IQCB1: variants seen among roughly 807,000 people sequenced by gnomAD.
IQCB1 encodes the protein IQ motif containing B1.
A neutral mutation model predicts 84.4 loss-of-function variants in IQCB1; 56 were observed. The ratio of observed to expected loss-of-function variants is 0.66; its 90% CI spans 0.54 to 0.83. IQCB1 has a LOEUF of 0.83. Among genes scored for constraint, IQCB1 ranks in the 40% least tolerant of loss-of-function variants. The pLI is 0.00. For missense variants in IQCB1, 629 were observed against 682.1 expected, an observed-to-expected ratio of 0.92 and a Z score of 0.87; for synonymous variants, 210 against 234.8, an observed-to-expected ratio of 0.89 and a Z score of 0.96.
chr3:121,828,344 G>T, intron 4 of IQCB1, 126 bp downstream of exon 4: 1 of 796,802 alleles, frequency 1.3e-6, no homozygotes, highest in Non-Finnish European at 2.2e-6. Context: ...TGAAGGAAAA[G>T]TACAACCAAA....
At chr3:121,793,605 C>T (rs1490365300) in intron 10 of IQCB1, among the ~76,000 whole-genome samples, 2 of 152,304 alleles carry the variant, frequency 1.3e-5, no homozygotes, top group African/African-American at 2.4e-5. Context: ...TAAATAGAAT[C>T]CAACAGGTTA....
At chr3:121,795,394 T>A in intron 10 of IQCB1, 63 bp downstream of exon 10, 4 of 899,456 alleles carry the variant, frequency 4.4e-6, no homozygotes, top group Non-Finnish European at 7.5e-6. Context: ...TCACCTAAAT[T>A]TCAATTCAAC....
chr3:121,789,442 T>G (rs189178383), intron 11 of IQCB1, among the ~76,000 whole-genome samples: 20 of 152,106 alleles, frequency 1.3e-4, no homozygotes, highest in African/African-American at 4.8e-4. Flanking sequence ...AGCACTCAGC[T>G]GAGAGTTGAG....
chr3:121,771,203 C>T (rs1186619467), intron 14 of IQCB1, among the ~76,000 whole-genome samples: 4 of 151,702 alleles, frequency 2.6e-5, no homozygotes, highest in African/African-American at 9.7e-5. Flanking sequence ...AACTCCTGAC[C>T]TCAGATGATC....
rs1019317263 is a variant in IQCB1, at chr3:121,770,194, A to G, written c.*151T>C. The G allele has an allele frequency of 1.4e-4, 87 of 620,502 alleles. No homozygotes were observed. Among genetic ancestry groups the G allele is most frequent in the Non-Finnish European group, 2.4e-4 (83 of 348,788 alleles). The allele number at this position is 620,502 out of a possible 1,614,324, so 38.4% of individuals were successfully genotyped here. On this transcript the variant is annotated 3_prime_UTR_variant, in exon 15 of 15. Transcript: ENST00000310864. Reference sequence around the variant, plus strand: ...AAAAAGAAAATTGAGAGAGAGGTAGAATATAACTCTTTGCTTACTGCAGGT... The same window carrying G: ...AAAAAGAAAATTGAGAGAGAGGTAGGATATAACTCTTTGCTTACTGCAGGT...
chr3:121,812,145 G>A (rs1949854554), intron 5 of IQCB1, among the ~76,000 whole-genome samples: 1 of 152,146 alleles, frequency 6.6e-6, no homozygotes, highest in Non-Finnish European at 1.5e-5. Context: ...GGTCTGGAGT[G>A]GACCTCCAGC....
intron 12 of IQCB1, among the ~76,000 whole-genome samples, chr3:121,786,169 T>TGAAAA (rs1948707959): frequency 4.4e-5 from 1 of 22,918 alleles, no homozygotes; most frequent in Non-Finnish European, 9.9e-5. Context: ...AGATTCTGTC[T>TGAAAA]CAAAAGAAAA....
Position 121,772,678 on chromosome 3 carries a change from G to T in IQCB1, c.1446C>A (p.Leu482=), listed in dbSNP as rs146776796. 204 of 1,614,064 alleles carry T rather than the reference G, an allele frequency of 1.3e-4. No individual in the cohort carries two copies. The highest frequency in any genetic ancestry group is 1.7e-4 in the Non-Finnish European group (197 of 1,180,038). ...SPMSDVVSRE[L]HAQAQERLQH... ...GCAGTCGTTCTTGAGCTTGGGCATGGAGCTCCCTACTGACCACATCTGACA... is the reference window on the plus strand; with the variant it reads ...GCAGTCGTTCTTGAGCTTGGGCATGTAGCTCCCTACTGACCACATCTGACA... Residue 482 remains leucine (L), a synonymous_variant, in exon 14 of 15, where the codon CTC becomes CTA. Coordinates refer to ENST00000310864, the MANE Select transcript of IQCB1 (RefSeq NM_001023570.4).
At chr3:121,800,781 C>G (rs2108574762) in intron 7 of IQCB1, among the ~76,000 whole-genome samples, 1 of 147,094 alleles carries the variant, frequency 6.8e-6, no homozygotes, top group African/African-American at 2.5e-5. Flanking sequence ...CTCTATACCA[C>G]TACCATCTTA....
chr3:121,775,562 T>A (rs992432314), intron 13 of IQCB1, among the ~76,000 whole-genome samples: 5 of 152,266 alleles, frequency 3.3e-5, no homozygotes, highest in Middle Eastern at 3.4e-3. Context: ...CCATGGCACA[T>A]GTATACCTAT....
At chr3:121,799,587 T>C (rs975639012) in intron 7 of IQCB1, among the ~76,000 whole-genome samples, 1 of 151,898 alleles carries the variant, frequency 6.6e-6, no homozygotes, top group Admixed American at 6.6e-5. Context: ...GTGCCATGTG[T>C]GCTAGGTACA....
intron 5 of IQCB1, among the ~76,000 whole-genome samples, chr3:121,809,252 G>A (rs937500700): frequency 6.6e-6 from 1 of 151,688 alleles, no homozygotes; most frequent in Non-Finnish European, 1.5e-5. Flanking sequence ...GTAGTGTAAG[G>A]GCTACAAGTT....
At chr3:121,827,271 A>G (rs151040581) in intron 4 of IQCB1, among the ~76,000 whole-genome samples, 25 of 151,488 alleles carry the variant, frequency 1.7e-4, no homozygotes, top group Non-Finnish European at 3.2e-4. Context: ...AATAAAAGTT[A>G]AAAAAAAACC....
chr3:121,795,077 G>A (rs1415025655), intron 10 of IQCB1, among the ~76,000 whole-genome samples: 2 of 151,998 alleles, frequency 1.3e-5, no homozygotes, highest in African/African-American at 4.8e-5. Flanking sequence ...ATTTATTCAG[G>A]AAAATCAGGT....
intron 13 of IQCB1, among the ~76,000 whole-genome samples, chr3:121,780,854 G>T (rs1948444014): frequency 7.2e-6 from 1 of 139,456 alleles, no homozygotes; most frequent in Non-Finnish European, 1.5e-5. Context: ...GTGTGTATCT[G>T]TGTGTGTGTA....
At chr3:121,774,624 C>A (rs1430424681) in intron 13 of IQCB1, among the ~76,000 whole-genome samples, 2 of 152,058 alleles carry the variant, frequency 1.3e-5, no homozygotes, top group Admixed American at 1.3e-4. Flanking sequence ...AAAACATGAA[C>A]CTTGAAGACA....
intron 7 of IQCB1, 87 bp from the exon 8 acceptor site, chr3:121,799,461 T>G: frequency 1.2e-6 from 1 of 828,728 alleles, no homozygotes; most frequent in Non-Finnish European, 2.0e-6. Context: ...TTCAGTAACT[T>G]GATGCCGGAC....
intron 12 of IQCB1, among the ~76,000 whole-genome samples, chr3:121,787,749 CAA>C (rs61374218): frequency 0.29 from 35,426 of 123,954 alleles, 4,408 homozygotes; most frequent in Non-Finnish European, 0.32. Context: ...GAATCCGTCT[CAA>C]AAAAAAAAAA....
chr3:121,821,716 T>C (rs563351551), intron 5 of IQCB1, among the ~76,000 whole-genome samples: 1 of 152,308 alleles, frequency 6.6e-6, no homozygotes, highest in East Asian at 1.9e-4. Flanking sequence ...GCTGACCAAA[T>C]GTATAAACTC....
Sources: allele counts gnomAD v4.1 joint callset (sites outside exome capture counted in the v4.1 genomes callset), GRCh38; gene constraint gnomAD v4.1.1; transcripts MANE v1.5; gene names NCBI Gene and HGNC (gene_info 2026-07-23, HGNC 2026-07-21).